The following DLC1 variants were observed in gnomAD, a reference collection of about 807,000 sequenced individuals.
The protein encoded by DLC1 is DLC1 Rho GTPase activating protein, also known as rho GTPase-activating protein 7.
A neutral mutation model predicts 140.3 loss-of-function variants in DLC1; 54 were observed. The observed-to-expected ratio is 0.38, with a 90% CI of 0.31 to 0.48. The LOEUF (loss-of-function observed/expected upper bound fraction) is 0.48. DLC1 is among the 20% of genes least tolerant of loss of function. The pLI, the probability that DLC1 is intolerant of heterozygous loss-of-function variation, is 0.96. For synonymous variants in DLC1, 986 were observed against 728.1 expected, an observed-to-expected ratio of 1.35 and a Z score of -5.70; for missense variants, 2,536 against 1,907.0, an observed-to-expected ratio of 1.33 and a Z score of -6.14.
At chr8:13,550,839 A>T (rs1290141583) in intron 1 of DLC1, among the ~76,000 whole-genome samples, 1 of 152,150 alleles carries the variant, frequency 6.6e-6, no homozygotes, top group East Asian at 1.9e-4. Context: ...TTCTTGAAGT[A>T]TCTTCCTTAG....
intron 2 of DLC1, among the ~76,000 whole-genome samples, chr8:13,402,813 C>A (rs781687511): frequency 2.0e-5 from 3 of 152,040 alleles, no homozygotes; most frequent in Non-Finnish European, 2.9e-5. Flanking sequence ...TCTAAATTCC[C>A]CCAGCCACCA....
intron 5 of DLC1, among the ~76,000 whole-genome samples, chr8:13,295,802 T>A (rs762790055): frequency 7.2e-5 from 11 of 152,120 alleles, no homozygotes; most frequent in Non-Finnish European, 1.6e-4. Context: ...GAAACTAGGA[T>A]CAATCAACAC....
chr8:13,246,375 T>C (rs113805981), intron 5 of DLC1, among the ~76,000 whole-genome samples: 1 of 152,198 alleles, frequency 6.6e-6, no homozygotes, highest in African/African-American at 2.4e-5. Flanking sequence ...AAAAGAAAAT[T>C]AGGCATTAAG....
At chr8:13,134,164 C>G (rs1454661531) in intron 5 of DLC1, among the ~76,000 whole-genome samples, 1 of 152,168 alleles carries the variant, frequency 6.6e-6, no homozygotes. Context: ...ATTAGGAAGC[C>G]TAATGTGAAG....
chr8:13,295,706 C>T (rs1322046254), intron 5 of DLC1, among the ~76,000 whole-genome samples: 1 of 152,110 alleles, frequency 6.6e-6, no homozygotes, highest in Non-Finnish European at 1.5e-5. Context: ...GTCATGCCAG[C>T]AGAATTATAA....
chr8:13,487,314 G>T (rs1232277914), intron 2 of DLC1, among the ~76,000 whole-genome samples: 1 of 152,040 alleles, frequency 6.6e-6, no homozygotes, highest in Admixed American at 6.5e-5. Context: ...CCATAGGTTT[G>T]GGCTATCTAC....
rs534393212 is a variant in DLC1 at position 13,338,749 on chromosome 8, A to G, written c.1315-33447T>C. ...ACCAGTGGTTCCACACCCAGATCAC[A>G]GGAGGTGAGCTACCTGCCCAACTAG... On this transcript the variant is annotated intron_variant, in intron 4 of 17. Transcript: ENST00000276297. The G allele has an allele frequency of 2.6e-5, 4 of 152,322 alleles. No homozygotes were observed. In the East Asian group the frequency reaches 5.8e-4, roughly 22 times the overall value. The allele number at this position is 152,322 out of a possible 1,614,324, so 9.4% of individuals were successfully genotyped here.
At chr8:13,569,665 C>T (rs1161621865) in intron 1 of DLC1, among the ~76,000 whole-genome samples, 3 of 152,182 alleles carry the variant, frequency 2.0e-5, no homozygotes, top group African/African-American at 7.2e-5. Context: ...GCAAGACTTT[C>T]AGCATACAGT....
intron 5 of DLC1, among the ~76,000 whole-genome samples, chr8:13,221,698 A>G (rs537868828): frequency 7.1e-4 from 84 of 118,636 alleles, no homozygotes; most frequent in African/African-American, 2.5e-3. Context: ...GTGTGTGTGT[A>G]TATGTGTGTG....
In DLC1 at chr8:13,153,034, C is replaced by G. The variant is rs138476085; in HGVS notation, c.1349-37377G>C. ...TTTCATTTTCGCTTTGTGGAAATAC[C>G]CTATGCTCTTCCTTAAAATTTTTAA... is the stretch of plus-strand genomic sequence containing the variant. On this transcript the variant is annotated intron_variant, in intron 5 of 17. Coordinates refer to ENST00000276297, the MANE Select transcript of DLC1 (RefSeq NM_182643.3). Among the ~76,000 whole-genome samples, 15 of 152,092 alleles carry G rather than the reference C, an allele frequency of 9.9e-5. No homozygotes were observed. The East Asian group carries it at 2.9e-3, about 29-fold the overall frequency.
Position 13,579,361 on chromosome 8 carries a change from A to ATATATTTT in DLC1, c.-126+25175_-126+25176insAAAATATA, listed in dbSNP as rs1236395843. Among the ~76,000 whole-genome samples, 9 of 25,488 alleles carry ATATATTTT rather than the reference A, an allele frequency of 3.5e-4. 1 individual carries two copies. The highest frequency in any genetic ancestry group is 1.3e-3 in the African/African-American group (6 of 4,576). The allele number at this position is 25,488 out of a possible 152,430, so 16.7% of individuals were successfully genotyped here. The stretch of plus-strand genomic sequence containing the variant: ...TATATATATATATATATATATATAT[A>ATATATTTT]TTTTTATATAATACATATTTATATA... On this transcript the variant is annotated intron_variant, in intron 1 of 1. Transcript: ENST00000631382.
chr8:13,514,829 C>T lies in DLC1; in HGVS notation c.-353G>A, dbSNP rs1284480975. On this transcript the variant is annotated 5_prime_UTR_variant, in exon 1 of 18. Transcript: ENST00000276297. The stretch of plus-strand genomic sequence containing the variant: ...GATCCTGTCAAGGCATTCCTAGTGA[C>T]TTCTGTCTACTAAATTCAGACTGAG... 1.0e-5 allele frequency: 4 copies of T among 393,346 alleles called. No homozygotes were observed. The highest frequency in any genetic ancestry group is 2.1e-5 in the African/African-American group (1 of 48,528). The allele number at this position is 393,346 out of a possible 1,614,324, so 24.4% of individuals were successfully genotyped here. A position where few individuals can be genotyped will look rare whatever the true frequency, so the allele number is the denominator to read the frequency against.
chr8:13,579,348 TATATATATA>T (rs1226606957), intron 1 of DLC1, among the ~76,000 whole-genome samples: 9 of 54,068 alleles, frequency 1.7e-4, no homozygotes, highest in African/African-American at 9.6e-4. Context: ...TATATATATA[TATATATATA>T]TATATTTTTA....
chr8:13,478,166 G>C (rs1407447993), intron 2 of DLC1, among the ~76,000 whole-genome samples: 1 of 152,166 alleles, frequency 6.6e-6, no homozygotes, highest in Non-Finnish European at 1.5e-5. Flanking sequence ...ATAGGCATCT[G>C]CTCAGGGAGG....
chr8:13,376,362 A>G (rs565877019), intron 4 of DLC1, among the ~76,000 whole-genome samples: 3 of 152,270 alleles, frequency 2.0e-5, no homozygotes, highest in East Asian at 1.9e-4. Context: ...TCCTTCCTCT[A>G]TTCCTCTAAG....
chr8:13,501,424 C>T (rs1273833095), intron 1 of DLC1, among the ~76,000 whole-genome samples: 7 of 152,136 alleles, frequency 4.6e-5, no homozygotes, highest in Admixed American at 3.9e-4. Flanking sequence ...AAGAAAAATC[C>T]CATTCACAGA....
chr8:13,152,541 G>A (rs1436883752), intron 5 of DLC1, among the ~76,000 whole-genome samples: 1 of 152,104 alleles, frequency 6.6e-6, no homozygotes, highest in Admixed American at 6.6e-5. Context: ...GTGTGCTAAT[G>A]CCATTCAAAT....
chr8:13,149,487 G>A (rs1255696624), intron 5 of DLC1, among the ~76,000 whole-genome samples: 1 of 152,030 alleles, frequency 6.6e-6, no homozygotes, highest in Non-Finnish European at 1.5e-5. Context: ...CCTGCTAATT[G>A]TCAGGTCATA....
At chr8:13,243,018 G>A (rs1025455475) in intron 5 of DLC1, among the ~76,000 whole-genome samples, 1 of 151,920 alleles carries the variant, frequency 6.6e-6, no homozygotes, top group Non-Finnish European at 1.5e-5. Context: ...TTCTCATGAG[G>A]TCTGGTTGTT....
Sources: gnomAD v4.1 joint callset for allele counts (sites outside exome capture counted in the v4.1 genomes callset) on GRCh38, gnomAD v4.1.1 for gene constraint, MANE v1.5 for transcripts, NCBI Gene and HGNC (gene_info 2026-07-23, HGNC 2026-07-21) for gene names.